The following CNTN6 variants were observed in gnomAD, a reference collection of about 807,000 sequenced individuals.
The protein encoded by CNTN6 is contactin-6.
In CNTN6, 137 loss-of-function variants were observed where a neutral mutation model predicts 122.8. The ratio of observed to expected loss-of-function variants is 1.12; its 90% CI spans 0.97 to 1.29. CNTN6 has a LOEUF of 1.29. Among genes scored for constraint, CNTN6 ranks in the 50% most tolerant of loss-of-function variants. CNTN6 has a pLI of 0.00. For synonymous variants in CNTN6, 570 were observed against 426.0 expected, an observed-to-expected ratio of 1.34 and a Z score of -4.16; for missense variants, 1,634 against 1,223.4, an observed-to-expected ratio of 1.34 and a Z score of -5.01.
At chr3:1,095,238 C>T (rs1161199994) in intron 1 of CNTN6, among the ~76,000 whole-genome samples, 12 of 152,078 alleles carry the variant, frequency 7.9e-5, no homozygotes, top group Non-Finnish European at 1.5e-4. Flanking sequence ...TTTGGGAGGC[C>T]GAGGCGGGCG....
chr3:1,117,972 C>G (rs1283143720), intron 1 of CNTN6, among the ~76,000 whole-genome samples: 1 of 152,160 alleles, frequency 6.6e-6, no homozygotes, highest in Non-Finnish European at 1.5e-5. Flanking sequence ...CTCACTTTCT[C>G]CACACTCTGA....
chr3:1,238,023 C>CA (rs200264002), intron 4 of CNTN6, among the ~76,000 whole-genome samples: 13,341 of 149,060 alleles, frequency 0.09, 625 homozygotes, highest in African/African-American at 0.12. Context: ...GAAAACAAAA[C>CA]AAAAAAAAAC....
chr3:1,373,283 G>A (rs1709362684), intron 14 of CNTN6, among the ~76,000 whole-genome samples: 1 of 152,072 alleles, frequency 6.6e-6, no homozygotes, highest in African/African-American at 2.4e-5. Flanking sequence ...ACATGCTCCT[G>A]TAGTTCTTCA....
intron 2 of CNTN6, among the ~76,000 whole-genome samples, chr3:1,197,026 C>A (rs1442534262): frequency 6.6e-6 from 1 of 152,208 alleles, no homozygotes; most frequent in Non-Finnish European, 1.5e-5. Context: ...ATTTGTGGAT[C>A]TGTCAGCTTC....
intron 12 of CNTN6, among the ~76,000 whole-genome samples, chr3:1,354,815 G>T (rs2126083954): frequency 6.6e-6 from 1 of 151,540 alleles, no homozygotes; most frequent in South Asian, 2.1e-4. Context: ...TGCAAAAAAA[G>T]AACATCAAAG....
intron 5 of CNTN6, among the ~76,000 whole-genome samples, chr3:1,280,342 C>A (rs1313261016): frequency 6.6e-6 from 1 of 151,888 alleles, no homozygotes; most frequent in Non-Finnish European, 1.5e-5. Context: ...GTAACAGCGC[C>A]CGTGGGGTCG....
intron 17 of CNTN6, among the ~76,000 whole-genome samples, chr3:1,379,471 G>A (rs527316265): frequency 5.9e-5 from 9 of 152,198 alleles, no homozygotes; most frequent in African/African-American, 1.9e-4. Flanking sequence ...AATGGGTACT[G>A]TGCTCACTAC....
At chr3:1,241,099 C>A (rs1420060378) in intron 4 of CNTN6, among the ~76,000 whole-genome samples, 2 of 151,998 alleles carry the variant, frequency 1.3e-5, no homozygotes, top group African/African-American at 4.8e-5. Context: ...GGGGCAGGAA[C>A]AAATCACAAT....
intron 5 of CNTN6, among the ~76,000 whole-genome samples, chr3:1,285,840 A>G (rs1009137732): frequency 2.6e-5 from 4 of 152,178 alleles, no homozygotes; most frequent in Non-Finnish European, 5.9e-5. Flanking sequence ...AGGAGATAAC[A>G]AGAGTTCTTT....
intron 1 of CNTN6, among the ~76,000 whole-genome samples, chr3:1,125,598 T>C (rs192235831): frequency 2.0e-5 from 3 of 151,914 alleles, no homozygotes; most frequent in African/African-American, 2.4e-5. Context: ...TGTAAAATGA[T>C]AGAAGAACTA....
intron 2 of CNTN6, among the ~76,000 whole-genome samples, chr3:1,149,957 AACTGGATGTGATTCAACAT>A (rs2092803483): frequency 6.6e-6 from 1 of 152,082 alleles, no homozygotes; most frequent in African/African-American, 2.4e-5. Context: ...TATTTATACA[AACTGGATGTGATTCAACAT>A]GTCCTGTTGC....
chr3:1,383,273 T>TGTC lies in CNTN6; in HGVS notation c.2402-19_2402-17dup, dbSNP rs761778395. The TGTC allele has an allele frequency of 2.5e-6, 4 of 1,603,960 alleles. No homozygotes were observed. The East Asian group carries it at 8.9e-5, about 36-fold the overall frequency. On this transcript the variant is annotated intron_variant, in intron 18 of 22. Transcript: ENST00000446702. ...TGAACCACTCTGCTAAAGATGGTTA[T>TGTC]GTCTTTCTCTGGATGGTAGAACCTC...
intron 1 of CNTN6, 65 bp from the exon 2 acceptor site, chr3:1,147,862 A>T: frequency 3.7e-6 from 2 of 544,176 alleles, no homozygotes; most frequent in East Asian, 2.8e-5. Flanking sequence ...ATGCAACAAA[A>T]ATATGCTTAT....
chr3:1,292,410 C>G (rs989385421), intron 5 of CNTN6, among the ~76,000 whole-genome samples: 2 of 152,022 alleles, frequency 1.3e-5, no homozygotes, highest in African/African-American at 4.8e-5. Context: ...TTTAATTCCT[C>G]TTTCAATAAT....
chr3:1,231,217 G>A (rs1187222301), intron 4 of CNTN6, among the ~76,000 whole-genome samples: 1 of 152,178 alleles, frequency 6.6e-6, no homozygotes, highest in Non-Finnish European at 1.5e-5. Context: ...TTTAATATGA[G>A]ATTGCCGATC....
chr3:1,108,890 G>A (rs1455254071), intron 1 of CNTN6, among the ~76,000 whole-genome samples: 1 of 151,892 alleles, frequency 6.6e-6, no homozygotes, highest in African/African-American at 2.4e-5. Flanking sequence ...CTGTTGATTT[G>A]TCAGACTGTT....
chr3:1,302,663 T>C (rs1213213630), intron 7 of CNTN6, among the ~76,000 whole-genome samples: 5 of 152,164 alleles, frequency 3.3e-5, no homozygotes, highest in Non-Finnish European at 5.9e-5. Flanking sequence ...ATGTACCCCA[T>C]ACATGTGCTC....
chr3:1,288,335 A>AG (rs5846105), intron 5 of CNTN6, among the ~76,000 whole-genome samples: 135,170 of 152,166 alleles, frequency 0.89, 60,110 homozygotes, highest in East Asian at 0.96. Context: ...TGGATTTTAA[A>AG]GTGTTAGGCA....
At chr3:1,334,260 G>T (rs114444925) in intron 11 of CNTN6, among the ~76,000 whole-genome samples, 1 of 152,086 alleles carries the variant, frequency 6.6e-6, no homozygotes, top group Admixed American at 6.6e-5. Context: ...GAAGCAAAAG[G>T]CATATTCCTG....
Sources: gnomAD v4.1 joint callset for allele counts (sites outside exome capture counted in the v4.1 genomes callset) on GRCh38, gnomAD v4.1.1 for gene constraint, MANE v1.5 for transcripts, NCBI Gene and HGNC (gene_info 2026-07-23, HGNC 2026-07-21) for gene names.